MITF: variants seen among roughly 807,000 people sequenced by gnomAD.
MITF encodes melanocyte inducing transcription factor.
A neutral mutation model predicts 60.5 loss-of-function variants in MITF; 17 were observed. That is an observed-to-expected ratio of 0.28 (90% CI 0.19 to 0.42). The LOEUF is 0.42. MITF is among the 10% of genes least tolerant of loss of function. The pLI is 1.00. For synonymous variants in MITF, 260 were observed against 248.5 expected (o/e 1.05, Z -0.43); for missense variants, 622 against 683.5 (o/e 0.91, Z 1.00).
intron 2 of MITF, among the ~76,000 whole-genome samples, chr3:69,922,248 A>G (rs1026477973): frequency 6.6e-6 from 1 of 151,764 alleles, no homozygotes; most frequent in Admixed American, 6.6e-5. Flanking sequence ...TTTCAGACGG[A>G]GTCTCACTCT....
intron 1 of MITF, among the ~76,000 whole-genome samples, chr3:69,870,281 CGTGT>C (rs1553691655): frequency 6.8e-6 from 1 of 146,976 alleles, no homozygotes; most frequent in East Asian, 2.0e-4. Context: ...CACACACACA[CGTGT>C]GTGTGTTTAT....
chr3:69,941,589 C>A (rs1384812382), intron 5 of MITF, among the ~76,000 whole-genome samples: 1 of 152,132 alleles, frequency 6.6e-6, no homozygotes, highest in Non-Finnish European at 1.5e-5. Context: ...GGCATTAGCC[C>A]TTCCAATTCC....
chr3:69,929,025 G>C (rs2065656098), intron 2 of MITF, among the ~76,000 whole-genome samples: 1 of 152,134 alleles, frequency 6.6e-6, no homozygotes, highest in Admixed American at 6.5e-5. Context: ...TCAACTGCCT[G>C]GCCTGAAGAC....
rs2107552501 is a variant in MITF at position 69,965,025 on chromosome 3, G to C, written c.1358G>C (p.Gly453Ala). ...TCTTTLDLTDGTITFNNNLGT... is the reference protein window; with the variant it reads ...TCTTTLDLTDATITFNNNLGT... ...ACAACAACTCTCGATCTCACGGATGGCACCATCACCTTCAACAACAACCTC... is the reference window on the plus strand; with the variant it reads ...ACAACAACTCTCGATCTCACGGATGCCACCATCACCTTCAACAACAACCTC... The change falls in exon 10 of 10, where the codon GGC becomes GCC. Residue 453 changes from glycine (G) to alanine (A), a missense_variant. By Grantham distance (60) the Gly-to-Ala change is moderately conservative. Coordinates refer to ENST00000352241, the MANE Select transcript of MITF (RefSeq NM_001354604.2). The C allele has an allele frequency of 1.2e-6, 2 of 1,614,080 alleles. No individual in the cohort carries two copies. The highest frequency in any genetic ancestry group is 1.7e-6 in the Non-Finnish European group (2 of 1,180,004).
intron 8 of MITF, among the ~76,000 whole-genome samples, chr3:69,957,928 T>C (rs1273266817): frequency 6.6e-6 from 1 of 152,184 alleles, no homozygotes. Flanking sequence ...AGAGACACAG[T>C]CTTACAGACT....
In MITF at chr3:69,808,576, T is replaced by A. The variant is rs144099483; in HGVS notation, c.104+68875T>A. Reference sequence around the variant, plus strand: ...CTCCCTAGGGAGGTAAAGTGTTTGCTGAGCTCTGGAAGAAGAGTAGGAGTG... The same window carrying A: ...CTCCCTAGGGAGGTAAAGTGTTTGCAGAGCTCTGGAAGAAGAGTAGGAGTG... On this transcript the variant is annotated intron_variant, in intron 1 of 9. Coordinates refer to ENST00000352241, the MANE Select transcript of MITF (RefSeq NM_001354604.2). Among the ~76,000 whole-genome samples the A allele has an allele frequency of 1.3e-3, 191 of 152,188 alleles. 3 individuals are homozygous for A. Among genetic ancestry groups the A allele is most frequent in the South Asian group, 3.1e-3 (15 of 4,816 alleles).
chr3:69,892,677 T>C (rs2064785778), intron 2 of MITF, among the ~76,000 whole-genome samples: 1 of 152,220 alleles, frequency 6.6e-6, no homozygotes, highest in Non-Finnish European at 1.5e-5. Flanking sequence ...TAGAAGCTAC[T>C]CTTTTTACAA....
At chr3:69,797,474 GACTAAAAAA>G (rs1042871788) in intron 1 of MITF, among the ~76,000 whole-genome samples, 6 of 151,822 alleles carry the variant, frequency 4.0e-5, no homozygotes, top group Non-Finnish European at 8.8e-5. Flanking sequence ...TATTTTGGTG[GACTAAAAAA>G]ATAAATAAAT....
chr3:69,835,791 T>C (rs181371082), intron 1 of MITF, among the ~76,000 whole-genome samples: 36 of 152,306 alleles, frequency 2.4e-4, no homozygotes, highest in South Asian at 6.2e-4. Context: ...GCTGTAGGTG[T>C]GCTAATTTAT....
At chr3:69,802,606 G>A (rs1020856048) in intron 1 of MITF, among the ~76,000 whole-genome samples, 1 of 148,080 alleles carries the variant, frequency 6.8e-6, no homozygotes, top group Non-Finnish European at 1.5e-5. Context: ...ATTCATTTGT[G>A]TATTGAATCA....
At chr3:69,792,156 G>A (rs994212653) in intron 1 of MITF, among the ~76,000 whole-genome samples, 20 of 152,176 alleles carry the variant, frequency 1.3e-4, no homozygotes, top group African/African-American at 4.6e-4. Context: ...TTTCAAAGAT[G>A]AGTAGTGGAT....
At chr3:69,950,623 G>A (rs1440763326) in intron 6 of MITF, among the ~76,000 whole-genome samples, 4 of 141,672 alleles carry the variant, frequency 2.8e-5, no homozygotes, top group Non-Finnish European at 6.1e-5. Context: ...AATATATATG[G>A]TGTGTATATA....
In MITF at chr3:69,956,543, G is replaced by T. The variant is rs567214548; in HGVS notation, c.1031+13G>T. ...AGTCAAATGATCCGTGAGTACAATC[G>T]CGTGTTAATCTGCATCATATATTTT... On this transcript the variant is annotated intron_variant, in intron 8 of 9. Coordinates refer to ENST00000352241, the MANE Select transcript of MITF (RefSeq NM_001354604.2). 6.9e-6 allele frequency: 11 copies of T among 1,601,812 alleles called. No homozygotes were observed. Among genetic ancestry groups the T allele is most frequent in the Non-Finnish European group, 5.1e-6 (6 of 1,168,962 alleles).
chr3:69,953,307 G>A (rs1260501820), intron 7 of MITF, among the ~76,000 whole-genome samples: 3 of 152,228 alleles, frequency 2.0e-5, no homozygotes, highest in South Asian at 4.1e-4. Flanking sequence ...GTTGGATCTT[G>A]TCAAAAACAA....
chr3:69,780,641 C>G (rs2062547908), intron 1 of MITF, among the ~76,000 whole-genome samples: 1 of 152,112 alleles, frequency 6.6e-6, no homozygotes, highest in Non-Finnish European at 1.5e-5. Context: ...TCTAAGATGG[C>G]TATAACTTTC....
At chr3:69,773,980 A>T (rs2062434100) in intron 1 of MITF, among the ~76,000 whole-genome samples, 2 of 152,220 alleles carry the variant, frequency 1.3e-5, no homozygotes, top group African/African-American at 4.8e-5. Flanking sequence ...ACAGTAACTC[A>T]TAAAGTGTTG....
chr3:69,956,148 G>A (rs760635589), intron 7 of MITF, among the ~76,000 whole-genome samples: 11 of 152,248 alleles, frequency 7.2e-5, no homozygotes, highest in Non-Finnish European at 1.3e-4. Context: ...GGATGTCCTC[G>A]CCAAGTCCCT....
intron 2 of MITF, among the ~76,000 whole-genome samples, chr3:69,914,294 G>A (rs1025392217): frequency 6.6e-6 from 1 of 152,044 alleles, no homozygotes; most frequent in African/African-American, 2.4e-5. Flanking sequence ...GCTAATTTTT[G>A]TATTTTTAGT....
chr3:69,910,637 G>T (rs2107385415), intron 2 of MITF, among the ~76,000 whole-genome samples: 1 of 152,276 alleles, frequency 6.6e-6, no homozygotes, highest in Non-Finnish European at 1.5e-5. Context: ...CGTAAGACTT[G>T]GAGTCAAAGG....
Sources: gnomAD v4.1 joint callset for allele counts (sites outside exome capture counted in the v4.1 genomes callset) on GRCh38, gnomAD v4.1.1 for gene constraint, MANE v1.5 for transcripts, NCBI Gene and HGNC (gene_info 2026-07-23, HGNC 2026-07-21) for gene names.